Variants in ROBO1 observed in about 807,000 individuals in gnomAD.
ROBO1 encodes roundabout guidance receptor 1.
In ROBO1, 149 loss-of-function variants were observed where a neutral mutation model predicts 195.9. The ratio of observed to expected loss-of-function variants is 0.76; its 90% CI spans 0.67 to 0.87. The LOEUF (loss-of-function observed/expected upper bound fraction) is 0.87. ROBO1 is among the 40% of genes least tolerant of loss of function. The probability of loss-of-function intolerance (pLI) is 0.00; values close to 1 mark genes in which losing one functional copy is unlikely to be tolerated. For missense variants in ROBO1, 1,933 were observed against 2,068.3 expected, an observed-to-expected ratio of 0.93 and a Z score of 1.27; for synonymous variants, 816 against 733.2, an observed-to-expected ratio of 1.11 and a Z score of -1.82.
At chr3:79,324,717 C>T (rs2034133963) in intron 2 of ROBO1, among the ~76,000 whole-genome samples, 1 of 152,124 alleles carries the variant, frequency 6.6e-6, no homozygotes, top group East Asian at 1.9e-4. Context: ...AGGTTAAGGG[C>T]AGAATGGAAG....
At chr3:78,860,802 TC>T (rs1250339004) in intron 4 of ROBO1, among the ~76,000 whole-genome samples, 1 of 152,124 alleles carries the variant, frequency 6.6e-6, no homozygotes, top group Admixed American at 6.5e-5. Flanking sequence ...TGCTACCTTT[TC>T]CTAGAGAGGA....
At chr3:79,150,737 C>T (rs998018759) in intron 2 of ROBO1, among the ~76,000 whole-genome samples, 3 of 151,760 alleles carry the variant, frequency 2.0e-5, no homozygotes, top group African/African-American at 7.3e-5. Flanking sequence ...TAAATATTTA[C>T]TATATGCATT....
intron 3 of ROBO1, among the ~76,000 whole-genome samples, chr3:78,945,990 T>A (rs2040418095): frequency 6.6e-6 from 1 of 150,884 alleles, no homozygotes. Flanking sequence ...TAAAAAGAAA[T>A]CAACAAAGCC....
chr3:79,610,590 A>G (rs1022960169), intron 1 of ROBO1, among the ~76,000 whole-genome samples: 10 of 152,168 alleles, frequency 6.6e-5, no homozygotes, highest in Non-Finnish European at 1.5e-5. Context: ...TTGAAGCTTC[A>G]TAAGACTTTG....
chr3:79,009,182 G>A (rs1446053667), intron 3 of ROBO1, among the ~76,000 whole-genome samples: 1 of 139,942 alleles, frequency 7.1e-6, no homozygotes, highest in African/African-American at 2.7e-5. Context: ...TCAAACTGCT[G>A]ACATCAGGTG....
chr3:78,843,947 G>A (rs951419787), intron 4 of ROBO1, among the ~76,000 whole-genome samples: 2 of 152,046 alleles, frequency 1.3e-5, no homozygotes, highest in African/African-American at 4.8e-5. Context: ...TGCCTTATCT[G>A]TAAATCAGCA....
chr3:79,478,035 A>G (rs567412354), intron 2 of ROBO1, among the ~76,000 whole-genome samples: 70 of 152,280 alleles, frequency 4.6e-4, no homozygotes, highest in African/African-American at 1.5e-3. Flanking sequence ...TTCATTTTGT[A>G]TATGTCATAA....
At chr3:78,682,800 T>C (rs1180513716) in intron 10 of ROBO1, among the ~76,000 whole-genome samples, 2 of 150,038 alleles carry the variant, frequency 1.3e-5, no homozygotes, top group East Asian at 3.9e-4. Context: ...TTGAATTGTA[T>C]GAGCCAAGTG....
At chr3:79,496,029 A>G (rs968292914) in intron 2 of ROBO1, among the ~76,000 whole-genome samples, 1 of 151,970 alleles carries the variant, frequency 6.6e-6, no homozygotes, top group Non-Finnish European at 1.5e-5. Context: ...CCTGGCCAAC[A>G]TGGTGAAACC....
chr3:79,416,519 G>A (rs2038010420), intron 2 of ROBO1, among the ~76,000 whole-genome samples: 1 of 149,722 alleles, frequency 6.7e-6, no homozygotes, highest in Non-Finnish European at 1.5e-5. Context: ...GATGTGGGAC[G>A]ATTGTTTGAG....
At chr3:79,373,692 A>T (rs2036283163) in intron 2 of ROBO1, among the ~76,000 whole-genome samples, 2 of 152,250 alleles carry the variant, frequency 1.3e-5, no homozygotes, top group South Asian at 2.1e-4. Flanking sequence ...AGATCCTCTG[A>T]AGTGAATTTA....
intron 21 of ROBO1, among the ~76,000 whole-genome samples, chr3:78,641,462 T>C (rs899350059): frequency 1.3e-5 from 2 of 152,238 alleles, no homozygotes; most frequent in African/African-American, 2.4e-5. Flanking sequence ...AAATTGTTGA[T>C]AAATCGTGAT....
chr3:79,163,474 C>T (rs928371657), intron 2 of ROBO1, among the ~76,000 whole-genome samples: 8 of 152,020 alleles, frequency 5.3e-5, no homozygotes, highest in Admixed American at 1.3e-4. Context: ...TTGTGAATAA[C>T]GCAGCTATGA....
rs1575856571 is a variant in ROBO1, at chr3:78,657,629, C to T, written c.2443-360G>A. 2.0e-5 allele frequency among the ~76,000 whole-genome samples: 3 copies of T among 152,198 alleles called. No homozygotes were observed. In the East Asian group the frequency reaches 5.8e-4, roughly 29 times the overall value. ...AGCTAAATAAGTACCTTGCAGATAG[C>T]TGTGTCTATGCAGATCAAGAATAAT... On this transcript the variant is annotated intron_variant, in intron 17 of 30. Coordinates refer to ENST00000464233, the MANE Select transcript of ROBO1 (RefSeq NM_002941.4).
intron 2 of ROBO1, among the ~76,000 whole-genome samples, chr3:79,174,747 T>C (rs1183132290): frequency 6.6e-6 from 1 of 150,672 alleles, no homozygotes; most frequent in Non-Finnish European, 1.5e-5. Context: ...TCGCAGCTAC[T>C]CAAGAGGCTG....
chr3:78,646,285 C>G, intron 20 of ROBO1, 95 bp from the exon 21 acceptor site: 2 of 1,135,256 alleles, frequency 1.8e-6, no homozygotes, highest in Admixed American at 3.9e-5. Context: ...AATGGAATTC[C>G]TTCTGTCTTC....
At chr3:79,632,162 C>T (rs758220114) in intron 1 of ROBO1, among the ~76,000 whole-genome samples, 7 of 152,018 alleles carry the variant, frequency 4.6e-5, no homozygotes, top group Non-Finnish European at 5.9e-5. Flanking sequence ...AACATTATAT[C>T]GAAAAGACAT....
intron 4 of ROBO1, among the ~76,000 whole-genome samples, chr3:78,844,193 A>G (rs1351611298): frequency 6.6e-6 from 1 of 152,198 alleles, no homozygotes; most frequent in African/African-American, 2.4e-5. Context: ...AAGGAAATAC[A>G]TATTTGCCTT....
At chr3:79,416,095 A>G (rs1469446654) in intron 2 of ROBO1, among the ~76,000 whole-genome samples, 2 of 152,066 alleles carry the variant, frequency 1.3e-5, no homozygotes, top group African/African-American at 4.8e-5. Context: ...AAAAAATAAC[A>G]CTTCAAATCT....
Sources: gnomAD v4.1 joint callset for allele counts (sites outside exome capture counted in the v4.1 genomes callset) on GRCh38, gnomAD v4.1.1 for gene constraint, MANE v1.5 for transcripts, NCBI Gene and HGNC (gene_info 2026-07-23, HGNC 2026-07-21) for gene names.